BICRA: variants seen among roughly 807,000 people sequenced by gnomAD.
The protein encoded by BICRA is BRD4 interacting chromatin remodeling complex associated protein.
A neutral mutation model predicts 96.9 loss-of-function variants in BICRA; 31 were observed. The observed-to-expected ratio is 0.32, with a 90% confidence interval of 0.24 to 0.43. The LOEUF (loss-of-function observed/expected upper bound fraction) is 0.43. Ranked by LOEUF, BICRA falls within the 20% of genes least tolerant of loss-of-function variation. The pLI, the probability that BICRA is intolerant of heterozygous loss-of-function variation, is 1.00. For missense variants in BICRA, 2,283 were observed against 2,190.3 expected (o/e 1.04, Z -0.84); for synonymous variants, 1,350 against 1,071.8 (o/e 1.26, Z -5.07).
intron 11 of BICRA, 96 bp downstream of exon 11, chr19:47,696,608 C>G: frequency 8.8e-7 from 1 of 1,137,422 alleles, no homozygotes; most frequent in Non-Finnish European, 1.3e-6. Flanking sequence ...TGGGCAGGCC[C>G]AAGTGCCAAG....
In BICRA at chr19:47,695,394, A is replaced by G. The variant is rs370136690; in HGVS notation, c.3106A>G (p.Lys1036Glu). Residue 1036 changes from lysine (K) to glutamate (E), a missense_variant, in exon 10 of 15, where the codon AAG becomes GAG. Physicochemically the swap from Lys to Glu is moderately conservative, Grantham distance 56. Transcript: ENST00000594866. Reference protein sequence around the residue: ...GLPPLLPAENKAFASNLPTLN... With the variant: ...GLPPLLPAENEAFASNLPTLN... ...CCCTCCTCTGCTTCCAGCCGAGAAC[A>G]AGGCTTTTGCCAGCAACCTCCCGAC... 47 of 1,530,804 alleles carry G rather than the reference A, an allele frequency of 3.1e-5. No individual in the cohort carries two copies. Among genetic ancestry groups the G allele is most frequent in the Middle Eastern group, 3.6e-4 (2 of 5,600 alleles). 94.8% of individuals were successfully genotyped at this position (1,530,804 alleles called of 1,614,324 possible).
In BICRA at chr19:47,682,029, C is replaced by T. The variant is rs1973070157; in HGVS notation, c.2160C>T (p.Ala720=). The T allele has an allele frequency of 1.9e-6, 3 of 1,570,406 alleles. No individual in the cohort carries two copies. The highest frequency in any genetic ancestry group is 1.7e-6 in the Non-Finnish European group (2 of 1,161,026). The change falls in exon 7 of 15, where the codon GCC becomes GCT. Residue 720 remains alanine (A), a synonymous_variant. Transcript: ENST00000594866. ...AGGGCCCCCACCTCTCCGTGCCTGC[C>T]TCGGTCATAGTCAGCGCCCCGCCTC... The part of the protein sequence containing the change: ...SAEGPHLSVP[A]SVIVSAPPPA...
At chr19:47,640,131 T>G (rs892906980) in intron 1 of BICRA, among the ~76,000 whole-genome samples, 2 of 152,228 alleles carry the variant, frequency 1.3e-5, no homozygotes, top group Non-Finnish European at 2.9e-5. Context: ...CATCCAAAAA[T>G]GAGAGTAACA....
intron 1 of BICRA, among the ~76,000 whole-genome samples, chr19:47,653,079 G>A (rs1028823971): frequency 7.0e-6 from 1 of 143,500 alleles, no homozygotes; most frequent in Non-Finnish European, 1.5e-5. Flanking sequence ...CTGGAGTGCA[G>A]TGTTATGTTC....
At chr19:47,636,925 G>A (rs1359596412) in intron 1 of BICRA, among the ~76,000 whole-genome samples, 1 of 152,028 alleles carries the variant, frequency 6.6e-6, no homozygotes, top group Non-Finnish European at 1.5e-5. Flanking sequence ...TTCAAGGCAG[G>A]CATGAGTCTT....
chr19:47,618,930 C>G (rs537513394), intron 1 of BICRA, among the ~76,000 whole-genome samples: 25 of 152,280 alleles, frequency 1.6e-4, no homozygotes, highest in Non-Finnish European at 3.1e-4. Flanking sequence ...GCTGGGCGGG[C>G]AGATGTCCAC....
At chr19:47,666,229 G>T (rs1479224034) in intron 1 of BICRA, among the ~76,000 whole-genome samples, 1 of 152,190 alleles carries the variant, frequency 6.6e-6, no homozygotes, top group Admixed American at 6.5e-5. Flanking sequence ...CTTGATTCCT[G>T]CTGTGAGCAT....
chr19:47,673,622 A>G lies in BICRA; in HGVS notation c.41+7A>G. 6.2e-7 allele frequency: 1 copy of G among 1,607,128 alleles called. No individual in the cohort carries two copies. The highest frequency in any genetic ancestry group is 1.1e-5 in the South Asian group (1 of 90,954). Reference sequence around the variant, plus strand: ...GCTTACTAGACGTGATTTGGTGAGTAACGGGCTCCCCACCCCCTGCCCTCT... The same window carrying G: ...GCTTACTAGACGTGATTTGGTGAGTGACGGGCTCCCCACCCCCTGCCCTCT... On this transcript the variant is annotated splice_region_variant and intron_variant, in intron 3 of 14. Coordinates refer to ENST00000594866, the MANE Select transcript of BICRA (RefSeq NM_001394372.1).
At chr19:47,693,580 C>T (rs557124694) in intron 7 of BICRA, among the ~76,000 whole-genome samples, 35 of 152,340 alleles carry the variant, frequency 2.3e-4, no homozygotes, top group African/African-American at 7.7e-4. Context: ...CCATCAACCC[C>T]GAGCCATGGT....
In BICRA at chr19:47,673,774, C is replaced by T. The variant is rs375606918; in HGVS notation, c.84+12C>T. The T allele has an allele frequency of 7.0e-5, 113 of 1,608,840 alleles. No individual in the cohort carries two copies. The highest frequency in any genetic ancestry group is 2.6e-4 in the South Asian group (24 of 90,988). ...ATGGATCCGAGAAGGTAAGCATGGG[C>T]GCAGGGAGAGGCATTCCCTGAGTGG... On this transcript the variant is annotated intron_variant, in intron 4 of 14. Transcript: ENST00000594866.
intron 1 of BICRA, among the ~76,000 whole-genome samples, chr19:47,645,712 A>G (rs1371336502): frequency 6.6e-6 from 1 of 152,166 alleles, no homozygotes; most frequent in Non-Finnish European, 1.5e-5. Context: ...GTTTGGGCAT[A>G]TTTCCTTCTG....
Position 47,701,726 on chromosome 19 carries a change from C to T in BICRA, c.3994C>T (p.Gln1332Ter). ...VHNTALDPVH[Q>*]PPPPPATLKV... ...CAACACGGCCCTGGACCCCGTGCAC[C>T]AGCCCCCGCCACCCCCCGCTACCCT... The change falls in exon 15 of 15, where the codon CAG (glutamine) becomes TAG (stop). Residue 1332 changes from glutamine to a stop codon, truncating the protein, a stop_gained. Coordinates refer to ENST00000594866, the MANE Select transcript of BICRA (RefSeq NM_001394372.1). LOFTEE classifies it high-confidence loss of function. This position sits in a 1 kb window ranked among gnomAD's most constrained non-coding sequence, Gnocchi z 5.4. 1 of 1,575,568 alleles carries T rather than the reference C, an allele frequency of 6.3e-7. No individual in the cohort carries two copies. Among genetic ancestry groups the T allele is most frequent in the Non-Finnish European group, 8.6e-7 (1 of 1,160,896 alleles).
intron 7 of BICRA, among the ~76,000 whole-genome samples, chr19:47,685,741 CTGTGTGTGTGTGTGTGTGTGTGTG>C (rs3074109): frequency 8.7e-6 from 1 of 115,496 alleles, no homozygotes. Context: ...TTGGCAGCCT[CTGTGTGTGTGTGTGTGTGTGTGTG>C]TGTGTGTGTG....
chr19:47,653,294 A>G (rs1972567821), intron 1 of BICRA, among the ~76,000 whole-genome samples: 1 of 149,994 alleles, frequency 6.7e-6, no homozygotes, highest in Non-Finnish European at 1.5e-5. Flanking sequence ...AAGTGCTGGG[A>G]TTATAGGCAT....
At position 47,694,372 on chromosome 19, in the gene BICRA, C is replaced by A; in HGVS notation, c.2541C>A (p.Ala847=). The change falls in exon 8 of 15, where the codon GCC becomes GCA. Residue 847 remains alanine, a synonymous_variant. Transcript: ENST00000594866. ...IQNQLGVPPP[A]SNPAPTAPGP... ...ACCAGCTAGGCGTTCCCCCGCCTGCCAGCAACCCGGCCCCTACTGCCCCAG... is the reference window on the plus strand; with the variant it reads ...ACCAGCTAGGCGTTCCCCCGCCTGCAAGCAACCCGGCCCCTACTGCCCCAG... The A allele has an allele frequency of 7.7e-7, 1 of 1,301,304 alleles. No individual in the cohort carries two copies. Among genetic ancestry groups the A allele is most frequent in the Non-Finnish European group, 1.1e-6 (1 of 919,350 alleles). The allele number at this position is 1,301,304 out of a possible 1,614,324, so 80.6% of individuals were successfully genotyped here.
At position 47,693,970 on chromosome 19, in the gene BICRA, G is replaced by A. The variant is rs890072655; in HGVS notation, c.2284-145G>A. The A allele has an allele frequency of 5.3e-6, 5 of 949,172 alleles. No individual in the cohort carries two copies. In the African/African-American group the frequency reaches 6.8e-5, roughly 13 times the overall value. The allele number at this position is 949,172 out of a possible 1,614,324, so 58.8% of individuals were successfully genotyped here. A position where few individuals can be genotyped will look rare whatever the true frequency, so the allele number is the denominator to read the frequency against. ...AGAGGCGAGGGAGGGAAGGGCAGCC[G>A]TGGTGGGCTCCTCTCTCAGGATGGG... is the stretch of plus-strand genomic sequence containing the variant. On this transcript the variant is annotated intron_variant, in intron 7 of 14. Coordinates refer to ENST00000594866, the MANE Select transcript of BICRA (RefSeq NM_001394372.1).
Position 47,698,730 on chromosome 19 carries a change from G to C in BICRA, c.3345G>C (p.Leu1115=). Residue 1115 remains leucine, a synonymous_variant, in exon 12 of 15, where the codon CTG becomes CTC. Coordinates refer to ENST00000594866, the MANE Select transcript of BICRA (RefSeq NM_001394372.1). The surrounding 1 kb of genome is among the most constrained non-coding windows in gnomAD (Gnocchi z 4.8). ...TTGAGGACGCCCTGCATCGCCTCCT[G>C]CCCTACCATGTCTACCAGGGCGCCC... ...PSFEDALHRL[L]PYHVYQGALP... 2 of 1,610,362 alleles carry C rather than the reference G, an allele frequency of 1.2e-6. No individual in the cohort carries two copies. Among genetic ancestry groups the C allele is most frequent in the Non-Finnish European group, 1.7e-6 (2 of 1,176,966 alleles).
chr19:47,696,537 TG>T, intron 11 of BICRA, 25 bp downstream of exon 11: 1 of 1,581,488 alleles, frequency 6.3e-7, no homozygotes, highest in Non-Finnish European at 8.6e-7. Flanking sequence ...CATCCTTGCA[TG>T]CCTGCCCTGT....
chr19:47,665,067 C>G (rs1972757868), intron 1 of BICRA, among the ~76,000 whole-genome samples: 2 of 132,664 alleles, frequency 1.5e-5, no homozygotes, highest in Admixed American at 8.0e-5. Context: ...GTCACTGTTT[C>G]AAAAGTTTCT....
Sources: gnomAD v4.1 joint callset for allele counts (sites outside exome capture counted in the v4.1 genomes callset) on GRCh38, gnomAD v4.1.1 for gene constraint, Gnocchi (gnomAD v3.1) non-coding constraint, MANE v1.5 for transcripts, NCBI Gene and HGNC (gene_info 2026-07-23, HGNC 2026-07-21) for gene names.